The following AP3S2 variants were observed in gnomAD, a reference collection of about 807,000 sequenced individuals.
AP3S2 encodes adaptor related protein complex 3 subunit sigma 2.
AP3S2 carries 22 observed loss-of-function variants against 23.4 expected under a neutral mutation model. The ratio of observed to expected loss-of-function variants is 0.94; its 90% confidence interval spans 0.67 to 1.34. AP3S2 has a LOEUF of 1.34. Among genes scored for constraint, AP3S2 ranks in the 40% most tolerant of loss-of-function variants. The pLI is 0.00. For synonymous variants in AP3S2, 86 were observed against 87.1 expected, an observed-to-expected ratio of 0.99 and a Z score of 0.07; for missense variants, 241 against 236.9, an observed-to-expected ratio of 1.02 and a Z score of -0.11.
chr15:89,878,546 A>G lies in AP3S2; in HGVS notation c.274-7000T>C, dbSNP rs140637080. On this transcript the variant is annotated intron_variant, in intron 3 of 5. Transcript: ENST00000336418. Reference sequence around the variant, plus strand: ...TTTTTCACCCATCAGATTGGCAAACATTTGAAAATATTCTTATTTTTATCT... The same window carrying G: ...TTTTTCACCCATCAGATTGGCAAACGTTTGAAAATATTCTTATTTTTATCT... Among the ~76,000 whole-genome samples, 53 of 152,248 alleles carry G rather than the reference A, an allele frequency of 3.5e-4. No homozygotes were observed. The East Asian group carries it at 6.9e-3, about 20-fold the overall frequency.
chr15:89,873,379 G>A (rs942619044), intron 3 of AP3S2, among the ~76,000 whole-genome samples: 13 of 151,558 alleles, frequency 8.6e-5, no homozygotes, highest in African/African-American at 3.2e-4. Flanking sequence ...CTGCCTCCTG[G>A]GTTCAAGCAA....
At chr15:89,856,883 A>G (rs868287166) in intron 4 of AP3S2, among the ~76,000 whole-genome samples, 6 of 149,814 alleles carry the variant, frequency 4.0e-5, no homozygotes, top group South Asian at 2.1e-4. Flanking sequence ...AAAAAAAAAA[A>G]AAAAGAAAAG....
intron 4 of AP3S2, among the ~76,000 whole-genome samples, chr15:89,846,190 G>A (rs1895482860): frequency 6.6e-6 from 1 of 152,218 alleles, no homozygotes; most frequent in South Asian, 2.1e-4. Flanking sequence ...GTGAGTGAAA[G>A]TCGGTGTTTT....
intron 4 of AP3S2, among the ~76,000 whole-genome samples, chr15:89,854,492 G>A (rs1321139608): frequency 5.8e-5 from 4 of 69,022 alleles, no homozygotes; most frequent in Non-Finnish European, 1.3e-4. Flanking sequence ...CCCTCTGCCC[G>A]GCCAGCCGCC....
intron 4 of AP3S2, among the ~76,000 whole-genome samples, chr15:89,841,035 G>T (rs1895318363): frequency 6.6e-6 from 1 of 152,188 alleles, no homozygotes; most frequent in Admixed American, 6.5e-5. Context: ...TGAATGAAAG[G>T]CTTTCCATAT....
At chr15:89,874,362 C>T (rs977816035) in intron 3 of AP3S2, among the ~76,000 whole-genome samples, 4 of 152,278 alleles carry the variant, frequency 2.6e-5, no homozygotes, top group Admixed American at 6.5e-5. Context: ...ATCTGTCTCA[C>T]GTGTCCATGT....
intron 4 of AP3S2, among the ~76,000 whole-genome samples, chr15:89,858,485 AAGAAAGAAAGAGAG>A (rs1401032639): frequency 2.7e-3 from 105 of 38,860 alleles, no homozygotes; most frequent in African/African-American, 6.3e-3. Context: ...GAAAGAAAGA[AAGAAAGAAAGAGAG>A]AGAGAGAGAG....
rs558161259 is a variant in AP3S2 at position 89,832,720 on chromosome 15, C to A, written c.*2795G>T. 6.6e-6 allele frequency: 1 copy of A among 152,088 alleles called. No individual in the cohort carries two copies. Among genetic ancestry groups the A allele is most frequent in the Non-Finnish European group, 1.5e-5 (1 of 68,038 alleles). The allele number at this position is 152,088 out of a possible 1,614,324, so 9.4% of individuals were successfully genotyped here. On this transcript the variant is annotated 3_prime_UTR_variant, in exon 6 of 6. Transcript: ENST00000336418. ...AGCTAGGATGGTCTCGATCTCCTGA[C>A]CTCGTGATCTGCCCGCCTCGGCCTC...
intron 4 of AP3S2, among the ~76,000 whole-genome samples, chr15:89,846,561 C>G (rs1260198997): frequency 1.3e-5 from 2 of 151,782 alleles, no homozygotes; most frequent in African/African-American, 2.4e-5. Flanking sequence ...GAGTCTCGCT[C>G]TGTGGCCCAG....
intron 3 of AP3S2, chr15:89,876,968 GC>G: frequency 3.5e-6 from 1 of 284,212 alleles, no homozygotes; most frequent in South Asian, 3.4e-5. Flanking sequence ...TTATGACACA[GC>G]AGCTGGAAAT....
At chr15:89,849,754 G>A (rs1033487880) in intron 4 of AP3S2, among the ~76,000 whole-genome samples, 14 of 151,852 alleles carry the variant, frequency 9.2e-5, no homozygotes, top group African/African-American at 3.1e-4. Context: ...AGCTATACAC[G>A]TGCCATGGTG....
chr15:89,837,545 A>G (rs1353466484), intron 5 of AP3S2, 70 bp downstream of exon 5: 3 of 1,578,240 alleles, frequency 1.9e-6, no homozygotes, highest in Admixed American at 3.4e-5. Context: ...AAACCAACAC[A>G]TGTACACACT....
chr15:89,869,178 G>C (rs1257151818), intron 4 of AP3S2, among the ~76,000 whole-genome samples: 1 of 151,516 alleles, frequency 6.6e-6, no homozygotes, highest in Non-Finnish European at 1.5e-5. Context: ...TGCCGTGTCT[G>C]TGTAGAAAGA....
intron 3 of AP3S2, among the ~76,000 whole-genome samples, chr15:89,882,073 C>T (rs1006510489): frequency 1.3e-5 from 2 of 152,030 alleles, no homozygotes; most frequent in African/African-American, 2.4e-5. Context: ...CCGCCCGCCT[C>T]GGCCTCCCAA....
At chr15:89,838,718 G>C (rs1164777095) in intron 4 of AP3S2, among the ~76,000 whole-genome samples, 1 of 152,222 alleles carries the variant, frequency 6.6e-6, no homozygotes, top group Non-Finnish European at 1.5e-5. Context: ...GGAAGTCAGA[G>C]AAGAAAGGGT....
intron 4 of AP3S2, among the ~76,000 whole-genome samples, chr15:89,859,762 CTTT>C (rs34836617): frequency 1.7e-5 from 2 of 117,326 alleles, no homozygotes. Context: ...TATTGCTGAT[CTTT>C]TTTTTTTTTT....
rs1480772263 is a variant in AP3S2, at chr15:89,830,980, CTT to C, written c.*4533_*4534del. On this transcript the variant is annotated 3_prime_UTR_variant, in exon 6 of 6. Transcript: ENST00000336418. ...TTTCTTAACCTTAAAATTGGAAACA[CTT>C]CTTGCTACCAGGGATGGGGGGTGGG... 1 of 151,462 alleles carries C rather than the reference CTT, an allele frequency of 6.6e-6. No individual in the cohort carries two copies. Among genetic ancestry groups the C allele is most frequent in the African/African-American group, 2.4e-5 (1 of 40,984 alleles). 9.4% of individuals were successfully genotyped at this position (151,462 alleles called of 1,614,324 possible).
intron 1 of AP3S2, among the ~76,000 whole-genome samples, chr15:89,889,783 G>C (rs1896777303): frequency 7.4e-6 from 1 of 135,786 alleles, no homozygotes; most frequent in African/African-American, 2.8e-5. Context: ...AGAACTGCTT[G>C]AACCCAGGAA....
intron 3 of AP3S2, among the ~76,000 whole-genome samples, chr15:89,875,546 G>T (rs1896422456): frequency 6.6e-6 from 1 of 152,204 alleles, no homozygotes; most frequent in African/African-American, 2.4e-5. Context: ...CCTATTTCAT[G>T]ATGAGGCAAG....
Sources: gnomAD v4.1 joint callset for allele counts (sites outside exome capture counted in the v4.1 genomes callset) on GRCh38, gnomAD v4.1.1 for gene constraint, MANE v1.5 for transcripts, NCBI Gene and HGNC (gene_info 2026-07-23, HGNC 2026-07-21) for gene names.